The following SASH1 variants were observed in gnomAD, a reference collection of about 807,000 sequenced individuals.
The protein encoded by SASH1 is SAM and SH3 domain-containing protein 1.
In SASH1, 44 loss-of-function variants were observed where a neutral mutation model predicts 125.2. That is an observed-to-expected ratio of 0.35 (90% CI 0.28 to 0.45). The LOEUF is 0.45. Ranked by LOEUF, SASH1 falls within the 20% of genes least tolerant of loss-of-function variation. The probability of loss-of-function intolerance (pLI) is 1.00; values close to 1 mark genes in which losing one functional copy is unlikely to be tolerated. For missense variants in SASH1, 1,426 were observed against 1,614.5 expected (o/e 0.88, Z 2.00); for synonymous variants, 639 against 649.1 (o/e 0.98, Z 0.24).
chr6:148,524,523 A>G (rs1781019396), intron 10 of SASH1: 1 of 152,070 alleles, frequency 6.6e-6, no homozygotes, highest in African/African-American at 2.4e-5. Flanking sequence ...AAAGGATAAT[A>G]AAGTTTTCAT....
intron 8 of SASH1, among the ~76,000 whole-genome samples, chr6:148,491,458 TG>T (rs910101039): frequency 6.6e-6 from 1 of 152,122 alleles, no homozygotes; most frequent in Non-Finnish European, 1.5e-5. Context: ...TTAGTAGAGA[TG>T]GGGTTTCACC....
chr6:148,200,826 C>G, the SASH1 span, among the ~76,000 whole-genome samples: 1 of 152,162 alleles, frequency 6.6e-6, no homozygotes, highest in Non-Finnish European at 1.5e-5. Flanking sequence ...TATAGGGAAG[C>G]TTTAAAATTA....
chr6:148,246,102 T>TTTCTC, the SASH1 span, among the ~76,000 whole-genome samples: 1 of 152,182 alleles, frequency 6.6e-6, no homozygotes, highest in Admixed American at 6.5e-5. Context: ...ACTTCATATT[T>TTTCTC]TTCTCTTCTC....
upstream of SASH1, among the ~76,000 whole-genome samples, chr6:148,338,959 C>T (rs1215910190): frequency 1.5e-5 from 2 of 135,102 alleles, no homozygotes; most frequent in Non-Finnish European, 3.1e-5. Flanking sequence ...GAGCCGAAAT[C>T]GGGCCACTGC....
the SASH1 span, among the ~76,000 whole-genome samples, chr6:148,261,677 G>A: frequency 6.6e-6 from 1 of 152,156 alleles, no homozygotes; most frequent in African/African-American, 2.4e-5. Flanking sequence ...GGGCTCTGAG[G>A]TGGGCTGCAG....
At chr6:148,388,688 C>G (rs1467777313) in intron 1 of SASH1, among the ~76,000 whole-genome samples, 1 of 152,214 alleles carries the variant, frequency 6.6e-6, no homozygotes, top group African/African-American at 2.4e-5. Flanking sequence ...TGCTCTGCCC[C>G]AGGCCTGCTG....
At chr6:148,433,363 C>A (rs992705482) in intron 2 of SASH1, among the ~76,000 whole-genome samples, 1 of 151,462 alleles carries the variant, frequency 6.6e-6, no homozygotes, top group Admixed American at 6.6e-5. Context: ...CTAGCCATGA[C>A]CTAACTAGAG....
At chr6:148,414,946 T>C (rs1289776635) in intron 2 of SASH1, among the ~76,000 whole-genome samples, 1 of 152,194 alleles carries the variant, frequency 6.6e-6, no homozygotes, top group African/African-American at 2.4e-5. Flanking sequence ...ATCCAGCCTC[T>C]TGGAGCTTAC....
chr6:148,303,169 A>G (rs1401010863), intron 1 of SASH1, among the ~76,000 whole-genome samples: 1 of 151,764 alleles, frequency 6.6e-6, no homozygotes, highest in Non-Finnish European at 1.5e-5. Context: ...TAGTAGAAAC[A>G]GGGTTTCACC....
the SASH1 span, among the ~76,000 whole-genome samples, chr6:148,235,581 T>C: frequency 6.6e-6 from 1 of 152,218 alleles, no homozygotes. Context: ...CAGGATATAA[T>C]AACATGTCCA....
At chr6:148,363,118 G>T (rs1234056632) in intron 1 of SASH1, among the ~76,000 whole-genome samples, 1 of 152,168 alleles carries the variant, frequency 6.6e-6, no homozygotes, top group Non-Finnish European at 1.5e-5. Flanking sequence ...GGGCTGCATG[G>T]CTGCAAAGGA....
intron 1 of SASH1, among the ~76,000 whole-genome samples, chr6:148,291,673 CA>C (rs1175008190): frequency 6.6e-6 from 1 of 151,412 alleles, no homozygotes; most frequent in Non-Finnish European, 1.5e-5. Flanking sequence ...GACAAAGTAT[CA>C]AAAAACAAAC....
intron 4 of SASH1, among the ~76,000 whole-genome samples, chr6:148,463,839 AT>A (rs1262737431): frequency 1.3e-5 from 2 of 152,104 alleles, no homozygotes; most frequent in African/African-American, 4.8e-5. Flanking sequence ...TTATTTCATT[AT>A]TTAGGTTTCT....
At chr6:148,471,933 G>A (rs919271218) in intron 6 of SASH1, among the ~76,000 whole-genome samples, 3 of 152,190 alleles carry the variant, frequency 2.0e-5, no homozygotes, top group African/African-American at 7.2e-5. Flanking sequence ...TCTGCAGCGG[G>A]ACGGTTATGG....
chr6:148,507,839 G>T (rs1045296484), intron 8 of SASH1, among the ~76,000 whole-genome samples: 7 of 152,142 alleles, frequency 4.6e-5, no homozygotes, highest in South Asian at 2.1e-4. Context: ...CTAGAAACAA[G>T]CAACTCACAT....
At chr6:148,404,959 AAAT>A (rs1297199572) in intron 2 of SASH1, among the ~76,000 whole-genome samples, 1 of 151,678 alleles carries the variant, frequency 6.6e-6, no homozygotes, top group Admixed American at 6.6e-5. Context: ...AGAGAGGAAA[AAAT>A]AATAATGCAG....
Position 148,343,087 on chromosome 6 carries a change from C to T in SASH1, c.20C>T (p.Ala7Val), listed in dbSNP as rs1333626710. MEDAGA[A>V]GPGPEPEPEP... ...ACGGCCATGGAGGACGCGGGAGCAGCTGGCCCGGGGCCGGAGCCTGAGCCC... is the reference window on the plus strand; with the variant it reads ...ACGGCCATGGAGGACGCGGGAGCAGTTGGCCCGGGGCCGGAGCCTGAGCCC... The change falls in exon 1 of 20, where the codon GCT becomes GTT. Residue 7 changes from alanine to valine, a missense_variant. Around this residue, in one of 3 missense-constraint regions of SASH1, gnomAD observed 567 missense variants for 575.6 expected, o/e 0.99. Transcript: ENST00000367467. 4.6e-6 allele frequency: 7 copies of T among 1,533,454 alleles called. No homozygotes were observed. In the South Asian group the frequency reaches 8.3e-5, roughly 18 times the overall value. 95.0% of individuals were successfully genotyped at this position (1,533,454 alleles called of 1,614,324 possible).
chr6:148,444,575 T>C (rs1304143019), intron 4 of SASH1, among the ~76,000 whole-genome samples: 1 of 152,208 alleles, frequency 6.6e-6, no homozygotes, highest in Non-Finnish European at 1.5e-5. Context: ...CATTCATCCT[T>C]ATTTTCTTAC....
intron 1 of SASH1, among the ~76,000 whole-genome samples, chr6:148,387,627 T>G (rs1261208112): frequency 1.3e-4 from 6 of 47,862 alleles, no homozygotes; most frequent in African/African-American, 4.8e-4. Flanking sequence ...TTTCTTTCTT[T>G]CTTTCTTTCT....
Sources: allele counts gnomAD v4.1 joint callset (sites outside exome capture counted in the v4.1 genomes callset), GRCh38; gene constraint gnomAD v4.1.1; regional missense constraint gnomAD v4.1.1; transcripts MANE v1.5; gene names NCBI Gene and HGNC (gene_info 2026-07-23, HGNC 2026-07-21).